Variants in ADGRF3 observed in about 807,000 individuals in gnomAD.
The protein encoded by ADGRF3 is G protein-coupled receptor 113.
A neutral mutation model predicts 93.2 loss-of-function variants in ADGRF3; 85 were observed. The observed-to-expected ratio is 0.91, with a 90% confidence interval of 0.77 to 1.09. The LOEUF (loss-of-function observed/expected upper bound fraction) is 1.09. ADGRF3 is among the 50% of genes least tolerant of loss of function. The probability of loss-of-function intolerance (pLI) is 0.00; values close to 1 mark genes in which losing one functional copy is unlikely to be tolerated. For synonymous variants in ADGRF3, 534 were observed against 532.5 expected (o/e 1.00, Z -0.04); for missense variants, 1,125 against 1,246.2 (o/e 0.90, Z 1.46).
Position 26,312,005 on chromosome 2 carries a change from G to C in ADGRF3, c.1519C>G (p.Arg507Gly), listed in dbSNP as rs142541391. Reference sequence around the variant, plus strand: ...AGAGTCGAGCCTGCCCAGGGCTTCCGGGCTTGGGCCAGGGTCCACAGAGAC... The same window carrying C: ...AGAGTCGAGCCTGCCCAGGGCTTCCCGGCTTGGGCCAGGGTCCACAGAGAC... Reference protein sequence around the residue: ...TRSLWTLAQARKPWAGSTLLL... With the variant: ...TRSLWTLAQAGKPWAGSTLLL... The change falls in exon 10 of 14, where the codon CGG (arginine) becomes GGG (glycine). Residue 507 changes from arginine (R) to glycine (G), a missense_variant. Arg to Gly is a moderately radical substitution (Grantham distance 125, BLOSUM62 -2). Transcript: ENST00000651242. 5 of 1,613,248 alleles carry C rather than the reference G, an allele frequency of 3.1e-6. No individual in the cohort carries two copies. Among genetic ancestry groups the C allele is most frequent in the Non-Finnish European group, 4.2e-6 (5 of 1,179,874 alleles).
chr2:26,341,908 C>T (rs1478324317), intron 1 of ADGRF3, among the ~76,000 whole-genome samples: 1 of 151,952 alleles, frequency 6.6e-6, no homozygotes, highest in Non-Finnish European at 1.5e-5. Flanking sequence ...CCCGTCTCTA[C>T]TAAAAATACA....
chr2:26,310,350 T>G (rs1673963950), intron 10 of ADGRF3, 113 bp from the exon 11 acceptor site: 4 of 1,196,394 alleles, frequency 3.3e-6, no homozygotes, highest in Non-Finnish European at 3.6e-6. Flanking sequence ...TCTCAATTTT[T>G]CTGTTACCAC....
At chr2:26,341,782 C>G (rs1392209461) in intron 1 of ADGRF3, among the ~76,000 whole-genome samples, 2 of 151,950 alleles carry the variant, frequency 1.3e-5, no homozygotes, top group African/African-American at 4.8e-5. Context: ...TGATTAAAAA[C>G]TGACTTGTGA....
At chr2:26,312,342 C>T (rs1267998443) in intron 9 of ADGRF3, among the ~76,000 whole-genome samples, 1 of 152,218 alleles carries the variant, frequency 6.6e-6, no homozygotes, top group Non-Finnish European at 1.5e-5. Context: ...CCTTCTTCCC[C>T]CTCCATCCCT....
intron 1 of ADGRF3, among the ~76,000 whole-genome samples, chr2:26,318,330 G>A (rs199849390): frequency 2.0e-5 from 3 of 152,180 alleles, no homozygotes; most frequent in Non-Finnish European, 4.4e-5. Context: ...ACAATGGCAC[G>A]TGCCTTTAGT....
chr2:26,310,984 C>A lies in ADGRF3; in HGVS notation c.2540G>T (p.Gly847Val), dbSNP rs1443177413. 2.5e-6 allele frequency: 4 copies of A among 1,613,584 alleles called. No homozygotes were observed. In the Admixed American group the frequency reaches 6.7e-5, roughly 27 times the overall value. The change falls in exon 10 of 14, where the codon GGG becomes GTG. Residue 847 changes from glycine to valine, a missense_variant. Gly to Val is a moderately radical substitution (Grantham distance 109). Coordinates refer to ENST00000651242, the MANE Select transcript of ADGRF3 (RefSeq NM_001321971.2). The stretch of plus-strand genomic sequence containing the variant: ...TCCCTTCCCATCCAACCAGCATTCC[C>A]CCTCCCTCAGGTATTGCCCTTGAGG... ...YLPQGQYLRE[G>V]ECWLDGKGGA... is the part of the protein sequence containing the mutation.
rs1428428804 is a variant in ADGRF3 at position 26,311,641 on chromosome 2, G to A, written c.1883C>T (p.Ala628Val). The A allele has an allele frequency of 6.2e-7, 1 of 1,613,342 alleles. No individual in the cohort carries two copies. The highest frequency in any genetic ancestry group is 8.5e-7 in the Non-Finnish European group (1 of 1,179,884). Residue 628 changes from alanine (A) to valine (V), a missense_variant, in exon 10 of 14, where the codon GCC becomes GTC. By Grantham distance (64) the Ala-to-Val change is moderately conservative. Coordinates refer to ENST00000651242, the MANE Select transcript of ADGRF3 (RefSeq NM_001321971.2). ...CATGATGACCTCTCCCTGGCTGAAG[G>A]CCCGGTCACCTGCCATGATGGAAAT... ...LVISIMAGDRAFSQGEVIMDF... is the reference protein window; with the variant it reads ...LVISIMAGDRVFSQGEVIMDF...
At chr2:26,341,812 AC>A (rs1160422318) in intron 1 of ADGRF3, among the ~76,000 whole-genome samples, 2 of 151,978 alleles carry the variant, frequency 1.3e-5, no homozygotes, top group South Asian at 2.1e-4. Flanking sequence ...GGTGGCTCAC[AC>A]CTGTAATCCC....
intron 1 of ADGRF3, among the ~76,000 whole-genome samples, chr2:26,325,081 C>T (rs1247820503): frequency 1.3e-5 from 2 of 152,134 alleles, no homozygotes; most frequent in Non-Finnish European, 2.9e-5. Flanking sequence ...AGCTGTTATG[C>T]GATACAGGAT....
chr2:26,336,987 A>G (rs1455850668), intron 1 of ADGRF3, among the ~76,000 whole-genome samples: 1 of 152,214 alleles, frequency 6.6e-6, no homozygotes, highest in Non-Finnish European at 1.5e-5. Context: ...AAAAAAGCCA[A>G]TGACAAGAGT....
At chr2:26,321,212 G>A (rs1315221187) in intron 1 of ADGRF3, among the ~76,000 whole-genome samples, 2 of 152,044 alleles carry the variant, frequency 1.3e-5, no homozygotes, top group East Asian at 3.9e-4. Context: ...AGACACACTG[G>A]GCAAATACAC....
At position 26,346,541 on chromosome 2, in the gene ADGRF3, G is replaced by A. The variant is rs899558248; in HGVS notation, c.-307C>T. 2 of 411,108 alleles carry A rather than the reference G, an allele frequency of 4.9e-6. No homozygotes were observed. The highest frequency in any genetic ancestry group is 8.6e-6 in the Non-Finnish European group (2 of 231,760). 25.5% of individuals were successfully genotyped at this position (411,108 alleles called of 1,614,324 possible). A position where few individuals can be genotyped will look rare whatever the true frequency, so the allele number is the denominator to read the frequency against. On this transcript the variant is annotated 5_prime_UTR_variant, in exon 1 of 14. Coordinates refer to ENST00000651242, the MANE Select transcript of ADGRF3 (RefSeq NM_001321971.2). ...TAGGAGAGCGCTCAGTGATCATGGA[G>A]CGAGGGAATTCCCTTCCTATTTTTT...
At position 26,346,454 on chromosome 2, in the gene ADGRF3, G is replaced by A; in HGVS notation, c.-220C>T. On this transcript the variant is annotated 5_prime_UTR_variant, in exon 1 of 14. Transcript: ENST00000651242. ...GGTCCTGGGGATTGGGGGTCGGGGA[G>A]CGTGGGAGCATCCTAAGCCCGCCGC... 1.2e-6 allele frequency: 1 copy of A among 835,236 alleles called. No individual in the cohort carries two copies. 51.7% of individuals were successfully genotyped at this position (835,236 alleles called of 1,614,324 possible).
intron 1 of ADGRF3, among the ~76,000 whole-genome samples, chr2:26,331,516 T>C (rs1029768913): frequency 2.6e-5 from 4 of 152,088 alleles, no homozygotes; most frequent in Non-Finnish European, 4.4e-5. Flanking sequence ...ACCACTTCAC[T>C]CCAGCCTGGG....
At chr2:26,338,655 T>C (rs1048554505) in intron 1 of ADGRF3, among the ~76,000 whole-genome samples, 1 of 151,784 alleles carries the variant, frequency 6.6e-6, no homozygotes, top group Non-Finnish European at 1.5e-5. Context: ...AGAGATGGGG[T>C]TTCTCCATGT....
chr2:26,338,515 T>A (rs922320187), intron 1 of ADGRF3, among the ~76,000 whole-genome samples: 1 of 152,152 alleles, frequency 6.6e-6, no homozygotes, highest in African/African-American at 2.4e-5. Context: ...CAGGCTGGAG[T>A]GCAATGGCAC....
chr2:26,319,527 C>CCCTCCCTT (rs1553330634), intron 1 of ADGRF3, among the ~76,000 whole-genome samples: 5 of 129,582 alleles, frequency 3.9e-5, no homozygotes, highest in South Asian at 2.7e-4. Context: ...CTCCCTCCCT[C>CCCTCCCTT]CCTTCCTTCC....
chr2:26,312,712 C>T (rs949480233), intron 9 of ADGRF3, among the ~76,000 whole-genome samples: 1 of 152,238 alleles, frequency 6.6e-6, no homozygotes, highest in African/African-American at 2.4e-5. Flanking sequence ...CATGTCTCCA[C>T]ACCCTTGCCT....
In ADGRF3 at chr2:26,315,729, G is replaced by A. The variant is rs1674591703; in HGVS notation, c.511C>T (p.Leu171Phe). 6.4e-7 allele frequency: 1 copy of A among 1,551,362 alleles called. No individual in the cohort carries two copies. Among genetic ancestry groups the A allele is most frequent in the African/African-American group, 1.4e-5 (1 of 73,144 alleles). Residue 171 changes from leucine to phenylalanine, a missense_variant, in exon 5 of 14, where the codon CTC (leucine) becomes TTC (phenylalanine). Transcript: ENST00000651242. ...ATCTGCAGCTGGGAGTTCAGGTTGAGGATCCCGGGGACTGCAGGGAGGCAG... is the reference window on the plus strand; with the variant it reads ...ATCTGCAGCTGGGAGTTCAGGTTGAAGATCCCGGGGACTGCAGGGAGGCAG... ...CQLLPPVPGI[L>F]NLNSQLQMPG...
Sources: gnomAD v4.1 joint callset for allele counts (sites outside exome capture counted in the v4.1 genomes callset) on GRCh38, gnomAD v4.1.1 for gene constraint, MANE v1.5 for transcripts, NCBI Gene and HGNC (gene_info 2026-07-23, HGNC 2026-07-21) for gene names.